The following GNG7 variants were observed in gnomAD, a reference collection of about 807,000 sequenced individuals.
GNG7 encodes guanine nucleotide-binding protein G(I)/G(S)/G(O) subunit gamma-7.
GNG7 carries 1 observed loss-of-function variant against 4.0 expected under a neutral mutation model. The ratio of observed to expected loss-of-function variants is 0.25; its 90% confidence interval spans 0.09 to 1.18. The LOEUF (loss-of-function observed/expected upper bound fraction) is 1.18. GNG7 is among the 50% of genes most tolerant of loss of function. GNG7 has a pLI of 0.50. For synonymous variants in GNG7, 34 were observed against 36.9 expected (o/e 0.92, Z 0.29); for missense variants, 86 against 91.9 (o/e 0.94, Z 0.26).
chr19:2,578,088 T>C (rs1302825479), intron 2 of GNG7, among the ~76,000 whole-genome samples: 2 of 152,118 alleles, frequency 1.3e-5, no homozygotes, highest in African/African-American at 4.8e-5. Flanking sequence ...TCCTCCCACC[T>C]TGGCCTCCCA....
chr19:2,643,157 G>A (rs1193395595), intron 2 of GNG7: 1 of 446,658 alleles, frequency 2.2e-6, no homozygotes, highest in East Asian at 7.3e-5. Flanking sequence ...CCTGCACCAT[G>A]TGCACCAGAA....
chr19:2,545,376 G>A (rs947189857), intron 3 of GNG7, among the ~76,000 whole-genome samples: 2 of 152,108 alleles, frequency 1.3e-5, no homozygotes, highest in Admixed American at 6.5e-5. Flanking sequence ...GGCCGGGCAC[G>A]GTGGCTTATG....
chr19:2,607,562 TAAA>T (rs57077280), intron 2 of GNG7, among the ~76,000 whole-genome samples: 64,376 of 110,524 alleles, frequency 0.58, 17,441 homozygotes, highest in East Asian at 0.72. Context: ...ACTAAAATGG[TAAA>T]AAAAAAAAAA....
At position 2,607,405 on chromosome 19, in the gene GNG7, T is replaced by C. The variant is rs1981419862; in HGVS notation, c.-78+38819A>G. Among the ~76,000 whole-genome samples, 6 of 150,546 alleles carry C rather than the reference T, an allele frequency of 4.0e-5. No homozygotes were observed. The South Asian group carries it at 1.0e-3, about 26-fold the overall frequency. On this transcript the variant is annotated intron_variant, in intron 2 of 4. Transcript: ENST00000382159. ...TTAGCCGAGCATGATGGCAGGCGCCTGTTATCCCAGCTACTTGGGAGGCTG... is the reference window on the plus strand; with the variant it reads ...TTAGCCGAGCATGATGGCAGGCGCCCGTTATCCCAGCTACTTGGGAGGCTG...
At chr19:2,574,479 G>A (rs189801530) in intron 2 of GNG7, among the ~76,000 whole-genome samples, 1 of 152,320 alleles carries the variant, frequency 6.6e-6, no homozygotes, top group Admixed American at 6.5e-5. Context: ...GGATCACACA[G>A]GATACGTCCT....
chr19:2,667,046 G>A (rs1011964774), intron 1 of GNG7, among the ~76,000 whole-genome samples: 7 of 152,180 alleles, frequency 4.6e-5, no homozygotes, highest in African/African-American at 9.7e-5. Context: ...TCATCCGGGC[G>A]CGGTGGCTCA....
intron 4 of GNG7, among the ~76,000 whole-genome samples, chr19:2,519,146 CTTTTTTTTTTTTTT>C (rs71178282): frequency 7.1e-5 from 6 of 84,540 alleles, no homozygotes; most frequent in African/African-American, 2.8e-4. Flanking sequence ...TTTCTTGTTT[CTTTTTTTTTTTTTT>C]TTTTTTTTGA....
Position 2,611,673 on chromosome 19 carries a change from C to CA in GNG7, c.-78+34550dup, listed in dbSNP as rs111339830. ...CCAAGAGAGCAACACCAGGTCTCTA[C>CA]AAAAAATTAAAAATTAGCCGGGCAT... On this transcript the variant is annotated intron_variant, in intron 2 of 4. Coordinates refer to ENST00000382159, the MANE Select transcript of GNG7 (RefSeq NM_052847.3). The surrounding 1 kb of genome is among the most constrained non-coding windows in gnomAD (Gnocchi z 6.0). The CA allele has an allele frequency of 0.093, 14,072 of 151,894 alleles. 717 individuals are homozygous for CA. The highest frequency in any genetic ancestry group is 0.13 in the South Asian group (612 of 4,806). 9.4% of individuals were successfully genotyped at this position (151,894 alleles called of 1,614,324 possible).
intron 3 of GNG7, among the ~76,000 whole-genome samples, chr19:2,553,088 T>C (rs950570554): frequency 4.8e-5 from 7 of 146,786 alleles, no homozygotes; most frequent in Non-Finnish European, 1.0e-4. Context: ...AGCTAGGTGA[T>C]TGACAAACCT....
At chr19:2,553,627 A>G (rs1047218052) in intron 3 of GNG7, among the ~76,000 whole-genome samples, 4 of 93,182 alleles carry the variant, frequency 4.3e-5, no homozygotes, top group East Asian at 2.9e-4. Context: ...ATACATGCAC[A>G]CGTTACATGT....
At chr19:2,589,350 G>A (rs1482215460) in intron 2 of GNG7, among the ~76,000 whole-genome samples, 3 of 147,812 alleles carry the variant, frequency 2.0e-5, no homozygotes, top group Non-Finnish European at 4.4e-5. Flanking sequence ...AGCCTCCCAG[G>A]TAGCTGGGAC....
chr19:2,629,965 C>T (rs1426420375), intron 2 of GNG7, among the ~76,000 whole-genome samples: 1 of 151,654 alleles, frequency 6.6e-6, no homozygotes, highest in African/African-American at 2.4e-5. Context: ...ATGTTTTTTG[C>T]TCTGTGTGAT....
At chr19:2,604,639 C>A (rs1476700760) in intron 2 of GNG7, among the ~76,000 whole-genome samples, 213 of 87,792 alleles carry the variant, frequency 2.4e-3, no homozygotes, top group Non-Finnish European at 3.3e-3. Flanking sequence ...GACCCTCCTT[C>A]AAAAAAAAAA....
chr19:2,642,774 G>A (rs1355377358), intron 2 of GNG7: 7 of 456,568 alleles, frequency 1.5e-5, no homozygotes, highest in African/African-American at 1.0e-4. Flanking sequence ...GATTACAGGC[G>A]TGAGCCATGG....
chr19:2,622,733 G>C (rs1276650204), intron 2 of GNG7, among the ~76,000 whole-genome samples: 2 of 146,230 alleles, frequency 1.4e-5, no homozygotes, highest in Non-Finnish European at 3.0e-5. Context: ...CAGAGAGGGA[G>C]GCTTCCGGGA....
At chr19:2,676,494 C>T (rs754458254) in intron 1 of GNG7, among the ~76,000 whole-genome samples, 29 of 152,194 alleles carry the variant, frequency 1.9e-4, no homozygotes, top group Non-Finnish European at 3.7e-4. Flanking sequence ...CTCACTGCAA[C>T]CTCCACCGCC....
chr19:2,512,010 G>T lies in GNG7; in HGVS notation c.*3012C>A, dbSNP rs1181104691. ...CTACTGGTGTCTCGCTCAGCAGCGGGGAAGGCCCGTGGGAGACCCAGGCTA... is the reference window on the plus strand; with the variant it reads ...CTACTGGTGTCTCGCTCAGCAGCGGTGAAGGCCCGTGGGAGACCCAGGCTA... On this transcript the variant is annotated 3_prime_UTR_variant, in exon 5 of 5. Coordinates refer to ENST00000382159, the MANE Select transcript of GNG7 (RefSeq NM_052847.3). This position sits in a 1 kb window ranked among gnomAD's most constrained non-coding sequence, Gnocchi z 4.7. The T allele has an allele frequency of 4.1e-6, 4 of 985,900 alleles. No individual in the cohort carries two copies. Among genetic ancestry groups the T allele is most frequent in the Non-Finnish European group, 4.8e-6 (4 of 829,954 alleles). The allele number at this position is 985,900 out of a possible 1,614,324, so 61.1% of individuals were successfully genotyped here.
chr19:2,525,777 G>T (rs574355052), intron 3 of GNG7, among the ~76,000 whole-genome samples: 16 of 152,186 alleles, frequency 1.1e-4, no homozygotes, highest in African/African-American at 3.6e-4. Context: ...TGCGTTATGT[G>T]TAAGAGTGAA....
chr19:2,639,257 C>T (rs1446452725), intron 2 of GNG7, among the ~76,000 whole-genome samples: 3 of 151,770 alleles, frequency 2.0e-5, no homozygotes, highest in African/African-American at 4.8e-5. Flanking sequence ...TCCTCTTTGG[C>T]AAAACCCACC....
Sources: gnomAD v4.1 joint callset for allele counts (sites outside exome capture counted in the v4.1 genomes callset) on GRCh38, gnomAD v4.1.1 for gene constraint, Gnocchi (gnomAD v3.1) non-coding constraint, MANE v1.5 for transcripts, NCBI Gene and HGNC (gene_info 2026-07-23, HGNC 2026-07-21) for gene names.